The following SCML2 variants were observed in gnomAD, a reference collection of about 807,000 sequenced individuals.
SCML2 encodes Scm polycomb group protein like 2, also known as sex comb on midleg-like protein 2.
SCML2 carries 6 observed loss-of-function variants against 48.4 expected under a neutral mutation model. The observed-to-expected ratio is 0.12, with a 90% CI of 0.07 to 0.24. The LOEUF (loss-of-function observed/expected upper bound fraction) is 0.24, where lower values mean the gene tolerates loss of function less well. Ranked by LOEUF, SCML2 falls within the 10% of genes least tolerant of loss-of-function variation. The pLI, the probability that SCML2 is intolerant of heterozygous loss-of-function variation, is 1.00. For missense variants in SCML2, 377 were observed against 528.2 expected (o/e 0.71, Z 2.81); for synonymous variants, 181 against 189.5 (o/e 0.95, Z 0.37).
At chrX:18,274,395 CA>C (rs1240972372) in intron 7 of SCML2, among the ~76,000 whole-genome samples, 1 of 112,468 alleles carries the variant, frequency 8.9e-6, no homozygotes, top group East Asian at 2.8e-4. Context: ...AGTTCCCACC[CA>C]TGAAGGGGTC....
At chrX:18,287,159 T>C (rs1039295546) in intron 7 of SCML2, among the ~76,000 whole-genome samples, 2 of 111,917 alleles carry the variant, frequency 1.8e-5, no homozygotes, top group Non-Finnish European at 3.8e-5. Context: ...TTAACACATA[T>C]AATAAAAAGC....
intron 9 of SCML2, among the ~76,000 whole-genome samples, chrX:18,258,455 CA>C (rs1269261223): frequency 8.9e-6 from 1 of 111,757 alleles, no homozygotes; most frequent in Non-Finnish European, 1.9e-5. Flanking sequence ...CACAAAGAAA[CA>C]ATCAAAATGT....
At chrX:18,325,445 T>C (rs1163400946) in intron 3 of SCML2, among the ~76,000 whole-genome samples, 5 of 111,783 alleles carry the variant, frequency 4.5e-5, no homozygotes, top group African/African-American at 1.6e-4. Context: ...ACCCTTGCAA[T>C]GCTTTATGGA....
At chrX:18,284,575 C>T (rs191994400) in intron 7 of SCML2, among the ~76,000 whole-genome samples, 21 of 111,854 alleles carry the variant, frequency 1.9e-4, no homozygotes, top group Admixed American at 1.6e-3. Flanking sequence ...ATAAATAACC[C>T]CATTTAAAAA....
chrX:18,265,906 A>C, intron 7 of SCML2, 104 bp from the exon 8 acceptor site: 1 of 544,008 alleles, frequency 1.8e-6, no homozygotes, highest in Non-Finnish European at 2.8e-6. Flanking sequence ...ACCATTTCCA[A>C]AGGTTATTCA....
At chrX:18,341,116 T>C (rs1025801204) in intron 1 of SCML2, 2 of 174,622 alleles carry the variant, frequency 1.1e-5, no homozygotes, top group Admixed American at 1.6e-4. Context: ...CCAGCAGGAG[T>C]GCCATGGTGA....
chrX:18,306,670 T>C (rs1928768000), intron 6 of SCML2, among the ~76,000 whole-genome samples: 1 of 111,599 alleles, frequency 9.0e-6, no homozygotes, highest in African/African-American at 3.3e-5. Flanking sequence ...AATTCTCTCA[T>C]CAATTTAAAA....
Position 18,305,161 on chromosome X carries a change from T to C in SCML2, c.541A>G (p.Ile181Val), listed in dbSNP as rs367902436. The C allele has an allele frequency of 1.7e-5, 21 of 1,206,254 alleles. No homozygotes were observed. The highest frequency in any genetic ancestry group is 3.0e-5 in the East Asian group (1 of 33,719). The change falls in exon 7 of 15, where the codon ATT (isoleucine) becomes GTT (valine). Residue 181 changes from isoleucine (I) to valine (V), a missense_variant. Ile to Val is a conservative substitution (Grantham distance 29). Transcript: ENST00000251900. ...ATGAGATACGGGTTCTTTTTGTCAATAGCTTCCAGTTTCATCCCCACTTTA... is the reference window on the plus strand; with the variant it reads ...ATGAGATACGGGTTCTTTTTGTCAACAGCTTCCAGTTTCATCCCCACTTTA... ...NFKVGMKLEAIDKKNPYLICP... is the reference protein window; with the variant it reads ...NFKVGMKLEAVDKKNPYLICP...
At chrX:18,273,338 T>C (rs1017248342) in intron 7 of SCML2, among the ~76,000 whole-genome samples, 7 of 111,515 alleles carry the variant, frequency 6.3e-5, no homozygotes, top group Non-Finnish European at 1.1e-4. Context: ...ATACTCTCTC[T>C]CCCTCTCTCT....
chrX:18,349,414 T>A (rs1930301865), intron 1 of SCML2, among the ~76,000 whole-genome samples: 1 of 112,657 alleles, frequency 8.9e-6, no homozygotes, highest in Non-Finnish European at 1.9e-5. Context: ...GATATTAAGA[T>A]GAACAGCACC....
intron 8 of SCML2, among the ~76,000 whole-genome samples, chrX:18,262,551 G>A (rs1436182766): frequency 9.3e-6 from 1 of 107,642 alleles, no homozygotes; most frequent in African/African-American, 3.6e-5. Context: ...ATGTTGGCCA[G>A]GCTGGTCTTG....
intron 1 of SCML2, among the ~76,000 whole-genome samples, chrX:18,338,480 C>G (rs1929908782): frequency 9.4e-6 from 1 of 106,053 alleles, no homozygotes; most frequent in Non-Finnish European, 1.9e-5. Context: ...ACAATCCAGG[C>G]ACAAACTGTA....
intron 7 of SCML2, among the ~76,000 whole-genome samples, chrX:18,286,844 G>A (rs1213577506): frequency 8.9e-6 from 1 of 111,838 alleles, no homozygotes; most frequent in Non-Finnish European, 1.9e-5. Flanking sequence ...AAGGGATGAA[G>A]TTACAAAGGA....
chrX:18,333,728 C>A (rs1929724085), intron 2 of SCML2, among the ~76,000 whole-genome samples: 1 of 111,914 alleles, frequency 8.9e-6, no homozygotes, highest in Non-Finnish European at 1.9e-5. Context: ...GTGGCATATT[C>A]ATGGAATAGT....
intron 1 of SCML2, among the ~76,000 whole-genome samples, chrX:18,351,364 T>C (rs182948547): frequency 3.1e-4 from 34 of 111,365 alleles, no homozygotes; most frequent in Non-Finnish European, 4.7e-4. Context: ...TAAGGTATTA[T>C]GTAGTAATTC....
At chrX:18,260,675 A>G (rs1927031785) in intron 8 of SCML2, among the ~76,000 whole-genome samples, 1 of 110,063 alleles carries the variant, frequency 9.1e-6, no homozygotes, top group Admixed American at 9.5e-5. Flanking sequence ...AATACCTCCA[A>G]TAGAAAAAAA....
At chrX:18,272,735 A>T (rs1281421731) in intron 7 of SCML2, among the ~76,000 whole-genome samples, 2 of 111,474 alleles carry the variant, frequency 1.8e-5, no homozygotes, top group Non-Finnish European at 3.8e-5. Context: ...CAGGCCCTAA[A>T]GGTGTTCCTT....
intron 1 of SCML2, among the ~76,000 whole-genome samples, chrX:18,354,284 G>A (rs1201602827): frequency 8.8e-6 from 1 of 113,000 alleles, no homozygotes; most frequent in Non-Finnish European, 1.9e-5. Context: ...GGGCGCTGTC[G>A]GCGCTGCAGG....
chrX:18,354,638 C>A lies in SCML2; in HGVS notation c.-71G>T, dbSNP rs1930485084. 1 of 288,972 alleles carries A rather than the reference C, an allele frequency of 3.5e-6. No homozygotes were observed. The highest frequency in any genetic ancestry group is 6.2e-5 in the Admixed American group (1 of 16,212). The allele number at this position is 288,972 out of a possible 1,213,427, so 23.8% of individuals were successfully genotyped here. On this transcript the variant is annotated 5_prime_UTR_variant, in exon 1 of 15. Coordinates refer to ENST00000251900, the MANE Select transcript of SCML2 (RefSeq NM_006089.3). ...CAACGAAATTCTGTCCCACCGATCG[C>A]GCGAGCCGGCACCGAGCTTCACACC...
Sources: allele counts gnomAD v4.1 joint callset (sites outside exome capture counted in the v4.1 genomes callset), GRCh38; gene constraint gnomAD v4.1.1; transcripts MANE v1.5; gene names NCBI Gene and HGNC (gene_info 2026-07-23, HGNC 2026-07-21).